Variants in SYNPR observed in about 807,000 individuals in gnomAD.
The protein encoded by SYNPR is synaptoporin.
Under a neutral mutation model 32.9 loss-of-function variants are expected in SYNPR, and 23 were observed. That is an observed-to-expected ratio of 0.70 (90% CI 0.50 to 0.99). SYNPR has a LOEUF of 0.99. SYNPR is among the 50% of genes least tolerant of loss of function. The probability of loss-of-function intolerance (pLI) is 0.00; values close to 1 mark genes in which losing one functional copy is unlikely to be tolerated. For synonymous variants in SYNPR, 146 were observed against 135.9 expected, an observed-to-expected ratio of 1.07 and a Z score of -0.52; for missense variants, 318 against 349.3, an observed-to-expected ratio of 0.91 and a Z score of 0.71.
chr3:63,563,438 T>C lies in SYNPR; in HGVS notation c.408+6697T>C, dbSNP rs980643200. Among the ~76,000 whole-genome samples the C allele has an allele frequency of 5.3e-5, 8 of 152,294 alleles. No individual in the cohort carries two copies. The South Asian group carries it at 1.7e-3, about 32-fold the overall frequency. ...TGCTCTTTCCCACCAGCTACACCTT[T>C]GTTTGAGTATAATTAGATACAGAAA... On this transcript the variant is annotated intron_variant, in intron 4 of 5. Coordinates refer to ENST00000478300, the MANE Select transcript of SYNPR (RefSeq NM_001130003.2).
At chr3:63,225,428 A>G (rs541271982), upstream of SYNPR, among the ~76,000 whole-genome samples, 2 of 152,140 alleles carry the variant, frequency 1.3e-5, no homozygotes, top group African/African-American at 4.8e-5. Flanking sequence ...CAATTACAGA[A>G]TCTCATTTCA....
chr3:63,368,780 C>T (rs1255910396), intron 2 of SYNPR, among the ~76,000 whole-genome samples: 1 of 152,074 alleles, frequency 6.6e-6, no homozygotes, highest in Non-Finnish European at 1.5e-5. Context: ...AGTTTATTGA[C>T]AGTTTTGGAA....
chr3:63,287,500 T>C (rs1490211340), intron 2 of SYNPR, among the ~76,000 whole-genome samples: 1 of 152,122 alleles, frequency 6.6e-6, no homozygotes, highest in Non-Finnish European at 1.5e-5. Context: ...AAATGCAGTG[T>C]GAGAGCAGGG....
chr3:63,278,641 G>A (rs1371729446), intron 1 of SYNPR, 36 bp from the exon 2 acceptor site: 2 of 1,551,132 alleles, frequency 1.3e-6, no homozygotes, highest in Non-Finnish European at 1.7e-6. Flanking sequence ...CCTTCCTCAC[G>A]CTTTGCTTTC....
intron 2 of SYNPR, among the ~76,000 whole-genome samples, chr3:63,357,376 C>T (rs1455629080): frequency 2.0e-5 from 3 of 152,048 alleles, no homozygotes; most frequent in African/African-American, 4.8e-5. Context: ...TCCTGACATT[C>T]GAATGGTTTT....
At chr3:63,414,021 TATAG>T (rs1490302365) in intron 2 of SYNPR, among the ~76,000 whole-genome samples, 2 of 148,660 alleles carry the variant, frequency 1.3e-5, no homozygotes, top group Admixed American at 6.7e-5. Context: ...TATATATATA[TATAG>T]AGAGAGAGAG....
chr3:63,520,117 T>C (rs981908312), intron 3 of SYNPR, among the ~76,000 whole-genome samples: 3 of 152,246 alleles, frequency 2.0e-5, no homozygotes, highest in African/African-American at 7.2e-5. Flanking sequence ...CTTTACAGCA[T>C]AATTTTAATA....
chr3:63,443,325 T>G lies in SYNPR; in HGVS notation c.85-37507T>G, dbSNP rs1033622310. The G allele has an allele frequency of 5.9e-5, 89 of 1,514,402 alleles. No individual in the cohort carries two copies. In the Admixed American group the frequency reaches 1.9e-3, roughly 32 times the overall value. The allele number at this position is 1,514,402 out of a possible 1,614,324, so 93.8% of individuals were successfully genotyped here. On this transcript the variant is annotated intron_variant, in intron 2 of 5. Coordinates refer to ENST00000478300, the MANE Select transcript of SYNPR (RefSeq NM_001130003.2). ...TGCATTGATTTTCTTCTTCTCCTCC[T>G]TTGCTTCATAAAAAGAGGGACAAGT... is the stretch of plus-strand genomic sequence containing the variant.
chr3:63,271,185 T>A (rs62251331), intron 3 of SYNPR, among the ~76,000 whole-genome samples: 48,936 of 151,942 alleles, frequency 0.32, 8,514 homozygotes, highest in Non-Finnish European at 0.39. Flanking sequence ...CAATATAATT[T>A]AGTAAAAACC....
At chr3:63,373,979 C>T (rs1418951427) in intron 2 of SYNPR, among the ~76,000 whole-genome samples, 1 of 152,044 alleles carries the variant, frequency 6.6e-6, no homozygotes, top group Non-Finnish European at 1.5e-5. Flanking sequence ...TTCAGTCAAA[C>T]AAAGCTTCAT....
chr3:63,207,505 A>C, the SYNPR span, among the ~76,000 whole-genome samples: 3 of 152,232 alleles, frequency 2.0e-5, no homozygotes, highest in Non-Finnish European at 4.4e-5. Context: ...GTAAGTATTC[A>C]TGAGTACATT....
At chr3:63,298,859 A>G (rs1307950702) in intron 2 of SYNPR, among the ~76,000 whole-genome samples, 2 of 152,108 alleles carry the variant, frequency 1.3e-5, no homozygotes, top group Non-Finnish European at 2.9e-5. Flanking sequence ...CCGGTGTAGA[A>G]CATACCTTGG....
chr3:63,458,336 T>C (rs1559505158), intron 2 of SYNPR, among the ~76,000 whole-genome samples: 1 of 152,116 alleles, frequency 6.6e-6, no homozygotes, highest in East Asian at 1.9e-4. Context: ...GGTCAGCAAT[T>C]TGGCCTGAGC....
At chr3:63,442,222 A>C (rs901889439) in intron 2 of SYNPR, among the ~76,000 whole-genome samples, 5 of 150,208 alleles carry the variant, frequency 3.3e-5, no homozygotes, top group Non-Finnish European at 7.4e-5. Context: ...GGAGACAGAG[A>C]TACAAAGAGA....
At chr3:63,284,511 C>T (rs182128935) in intron 2 of SYNPR, among the ~76,000 whole-genome samples, 1 of 152,294 alleles carries the variant, frequency 6.6e-6, no homozygotes, top group African/African-American at 2.4e-5. Flanking sequence ...TTTCACATCA[C>T]CATTTTCCCT....
rs116432668 is a variant in SYNPR at position 63,455,293 on chromosome 3, G to A, written c.85-25539G>A. Among the ~76,000 whole-genome samples the A allele has an allele frequency of 9.7e-3, 1,480 of 152,090 alleles. 28 individuals carry two copies. The highest frequency in any genetic ancestry group is 0.034 in the African/African-American group (1,419 of 41,482). On this transcript the variant is annotated intron_variant, in intron 2 of 5. Transcript: ENST00000478300. ...CTTATAGGACAATTAGAATACCACT[G>A]GGCTTCAAGAGAGCAGTGTCCATCC...
intron 3 of SYNPR, among the ~76,000 whole-genome samples, chr3:63,270,944 TC>T (rs2106909036): frequency 3.7e-5 from 1 of 26,720 alleles, no homozygotes; most frequent in African/African-American, 1.5e-4. Flanking sequence ...CTTCCTTCCT[TC>T]TTTTCTTCCT....
At chr3:63,500,982 C>T (rs1336241564) in intron 3 of SYNPR, among the ~76,000 whole-genome samples, 1 of 152,070 alleles carries the variant, frequency 6.6e-6, no homozygotes, top group Non-Finnish European at 1.5e-5. Flanking sequence ...CTAATAATCC[C>T]TATTTTGCAA....
chr3:63,515,778 AC>A (rs1701786089), intron 3 of SYNPR, among the ~76,000 whole-genome samples: 1 of 152,154 alleles, frequency 6.6e-6, no homozygotes, highest in Admixed American at 6.6e-5. Context: ...GTGTGTTTCT[AC>A]CTTCCAAATT....
Sources: gnomAD v4.1 joint callset for allele counts (sites outside exome capture counted in the v4.1 genomes callset) on GRCh38, gnomAD v4.1.1 for gene constraint, MANE v1.5 for transcripts, NCBI Gene and HGNC (gene_info 2026-07-23, HGNC 2026-07-21) for gene names.